STPG2: variants seen among roughly 807,000 people sequenced by gnomAD.
STPG2 encodes sperm tail PG-rich repeat containing 2, also known as sperm-tail PG-rich repeat-containing protein 2.
In STPG2, 56 loss-of-function variants were observed where a neutral mutation model predicts 54.2. The observed-to-expected ratio is 1.03, with a 90% CI of 0.83 to 1.29. The LOEUF (loss-of-function observed/expected upper bound fraction) is 1.29. Ranked by LOEUF, STPG2 falls within the 50% of genes most tolerant of loss-of-function variation. The pLI, the probability that STPG2 is intolerant of heterozygous loss-of-function variation, is 0.00. For missense variants in STPG2, 596 were observed against 544.9 expected, an observed-to-expected ratio of 1.09 and a Z score of -0.93; for synonymous variants, 200 against 181.8, an observed-to-expected ratio of 1.10 and a Z score of -0.81.
At chr4:97,650,649 T>G (rs1313727308) in intron 10 of STPG2, among the ~76,000 whole-genome samples, 2 of 152,068 alleles carry the variant, frequency 1.3e-5, no homozygotes, top group African/African-American at 2.4e-5. Context: ...TGGCTGCCCT[T>G]AGAGACAATA....
At chr4:97,539,825 A>C (rs1167055142) in intron 4 of STPG2, among the ~76,000 whole-genome samples, 1 of 152,144 alleles carries the variant, frequency 6.6e-6, no homozygotes, top group Non-Finnish European at 1.5e-5. Context: ...TAAGAAACTC[A>C]CTCAAAACCA....
chr4:97,598,628 A>G (rs986347186), intron 10 of STPG2, among the ~76,000 whole-genome samples: 8 of 152,016 alleles, frequency 5.3e-5, no homozygotes, highest in Non-Finnish European at 1.2e-4. Context: ...CACACCTACA[A>G]CCCTCTGATC....
chr4:97,841,072 T>A, intron 8 of STPG2, 140 bp from the exon 9 acceptor site: 3 of 863,104 alleles, frequency 3.5e-6, no homozygotes, highest in Non-Finnish European at 5.0e-6. Context: ...AATAGAAACT[T>A]AAAAAGGAAT....
chr4:97,780,138 A>G (rs1446729662), intron 9 of STPG2, among the ~76,000 whole-genome samples: 3 of 111,414 alleles, frequency 2.7e-5, no homozygotes, highest in African/African-American at 1.0e-4. Flanking sequence ...AGACTGACAA[A>G]CTGGATAAAG....
At chr4:97,859,381 C>A (rs2149138683) in intron 8 of STPG2, among the ~76,000 whole-genome samples, 1 of 151,268 alleles carries the variant, frequency 6.6e-6, no homozygotes, top group East Asian at 1.9e-4. Context: ...CTGATTATTT[C>A]TTTTGCTGTG....
At chr4:97,710,555 C>A (rs1440330354) in intron 10 of STPG2, among the ~76,000 whole-genome samples, 2 of 152,018 alleles carry the variant, frequency 1.3e-5, no homozygotes. Context: ...AACTGAATTG[C>A]AATTCTAAAT....
chr4:97,699,744 G>A (rs893457460), intron 10 of STPG2, among the ~76,000 whole-genome samples: 2 of 152,140 alleles, frequency 1.3e-5, no homozygotes, highest in Non-Finnish European at 2.9e-5. Context: ...TATGAACCAG[G>A]CCCTAGTCTT....
intron 4 of STPG2, among the ~76,000 whole-genome samples, chr4:97,473,132 C>T (rs1472238431): frequency 2.0e-5 from 3 of 152,038 alleles, no homozygotes; most frequent in African/African-American, 2.4e-5. Flanking sequence ...GTTAACTGCA[C>T]AAATTGTAGA....
In STPG2 at chr4:97,561,860, G is replaced by C. The variant is rs1299955191; in HGVS notation, c.1321-2743C>G. On this transcript the variant is annotated intron_variant, in intron 10 of 10. Transcript: ENST00000295268. Reference sequence around the variant, plus strand: ...TTATTGTAGCCTTGTAGTATACTTTGAAGTCAGGTAGCGTGATGCCTCCAG... The same window carrying C: ...TTATTGTAGCCTTGTAGTATACTTTCAAGTCAGGTAGCGTGATGCCTCCAG... 2.0e-5 allele frequency among the ~76,000 whole-genome samples: 3 copies of C among 152,140 alleles called. No homozygotes were observed. In the East Asian group the frequency reaches 5.8e-4, roughly 29 times the overall value.
intron 4 of STPG2, among the ~76,000 whole-genome samples, chr4:97,464,210 G>A (rs1410011953): frequency 2.0e-5 from 3 of 152,018 alleles, no homozygotes; most frequent in South Asian, 4.2e-4. Flanking sequence ...GAAATATTTG[G>A]GGGAAAAACA....
intron 9 of STPG2, among the ~76,000 whole-genome samples, chr4:97,731,381 T>C (rs998460313): frequency 1.3e-5 from 2 of 152,150 alleles, no homozygotes; most frequent in African/African-American, 4.8e-5. Context: ...CTCCAGTATA[T>C]TACACTTAAG....
chr4:97,821,135 C>A (rs1160925753), intron 9 of STPG2, among the ~76,000 whole-genome samples: 2 of 152,200 alleles, frequency 1.3e-5, no homozygotes, highest in African/African-American at 4.8e-5. Context: ...CAGGTAGTTA[C>A]TTTAAAGGTA....
At chr4:97,890,004 G>T (rs1236450795) in intron 8 of STPG2, among the ~76,000 whole-genome samples, 1 of 152,014 alleles carries the variant, frequency 6.6e-6, no homozygotes, top group African/African-American at 2.4e-5. Flanking sequence ...GAAGATAAAA[G>T]GAAAATTAAA....
rs543712574 is a variant in STPG2, at chr4:97,874,466, A to AT, written c.1045-33535dup. ...CAATCACAACAATCAAACAATAAAA[A>AT]TTTTCACCCCTTTTAATAAAAGTTT... On this transcript the variant is annotated intron_variant, in intron 8 of 10. Transcript: ENST00000295268. Among the ~76,000 whole-genome samples, 151 of 151,816 alleles carry AT rather than the reference A, an allele frequency of 9.9e-4. 3 individuals are homozygous for AT. The highest frequency in any genetic ancestry group is 3.9e-3 in the Admixed American group (59 of 15,212).
chr4:97,888,045 A>C (rs1426349068), intron 8 of STPG2, among the ~76,000 whole-genome samples: 2 of 152,206 alleles, frequency 1.3e-5, no homozygotes, highest in African/African-American at 2.4e-5. Flanking sequence ...GCAAGAGTTG[A>C]GTCATGGGCA....
At chr4:97,702,000 T>A (rs1723794231) in intron 10 of STPG2, among the ~76,000 whole-genome samples, 1 of 152,188 alleles carries the variant, frequency 6.6e-6, no homozygotes, top group African/African-American at 2.4e-5. Flanking sequence ...ATGCAGGTGC[T>A]ACCCTCACAA....
Position 97,485,352 on chromosome 4 carries a change from C to T in STPG2, c.462+227347G>A, listed in dbSNP as rs138702642. 4.2e-3 allele frequency among the ~76,000 whole-genome samples: 638 copies of T among 151,910 alleles called. 3 individuals carry two copies. Among genetic ancestry groups the T allele is most frequent in the South Asian group, 0.02 (98 of 4,824 alleles). On this transcript the variant is annotated intron_variant, in intron 4 of 4. Transcript: ENST00000522676. ...AGCTCCTAGAACTCGTATAAGAATTCAACAACGTTTCTGGATACAAGATTA... is the reference window on the plus strand; with the variant it reads ...AGCTCCTAGAACTCGTATAAGAATTTAACAACGTTTCTGGATACAAGATTA...
At chr4:97,468,198 T>G (rs897552021) in intron 4 of STPG2, among the ~76,000 whole-genome samples, 3 of 152,034 alleles carry the variant, frequency 2.0e-5, no homozygotes, top group African/African-American at 4.8e-5. Context: ...TTTTCCAATG[T>G]AATGGTTTCT....
At chr4:97,949,872 T>C (rs879266540) in intron 7 of STPG2, among the ~76,000 whole-genome samples, 7 of 117,182 alleles carry the variant, frequency 6.0e-5, no homozygotes, top group Non-Finnish European at 1.0e-4. Flanking sequence ...TGTGTTTTGT[T>C]TTTTGTTTTT....
Sources: gnomAD v4.1 joint callset for allele counts (sites outside exome capture counted in the v4.1 genomes callset) on GRCh38, gnomAD v4.1.1 for gene constraint, MANE v1.5 for transcripts, NCBI Gene and HGNC (gene_info 2026-07-23, HGNC 2026-07-21) for gene names.